OPRL1: variants seen among roughly 807,000 people sequenced by gnomAD.
OPRL1 encodes the protein opioid related nociceptin receptor 1, also known as nociceptin receptor.
In OPRL1, 5 loss-of-function variants were observed where a neutral mutation model predicts 15.5. The observed-to-expected ratio is 0.32, with a 90% confidence interval of 0.17 to 0.68. The LOEUF (loss-of-function observed/expected upper bound fraction) is 0.68. Among genes scored for constraint, OPRL1 ranks in the 30% least tolerant of loss-of-function variants. The pLI, the probability that OPRL1 is intolerant of heterozygous loss-of-function variation, is 0.72. For missense variants in OPRL1, 406 were observed against 515.3 expected (o/e 0.79, Z 2.05); for synonymous variants, 223 against 230.2 (o/e 0.97, Z 0.28).
Position 64,083,459 on chromosome 20 carries a change from C to T in OPRL1, c.-185+3107C>T, listed in dbSNP as rs1487115246. ...GTCACCGCGGGAAGATGGTGCCATC[C>T]ACGTTCTCCTCCAGGATGGTCTCCA... On this transcript the variant is annotated intron_variant, in intron 1 of 4. Coordinates refer to ENST00000336866, the MANE Select transcript of OPRL1 (RefSeq NM_182647.4). This position sits in a 1 kb window ranked among gnomAD's most constrained non-coding sequence, Gnocchi z 4.9. The T allele has an allele frequency of 6.2e-6, 10 of 1,609,176 alleles. No individual in the cohort carries two copies. Among genetic ancestry groups the T allele is most frequent in the Non-Finnish European group, 8.5e-6 (10 of 1,178,494 alleles).
intron 1 of OPRL1, chr20:64,084,350 A>C: frequency 7.8e-7 from 1 of 1,285,744 alleles, no homozygotes; most frequent in Non-Finnish European, 9.8e-7. Context: ...GTCGGTTTTG[A>C]GTTCCGCACC....
At position 64,098,704 on chromosome 20, in the gene OPRL1, C is replaced by T. The variant is rs949887692; in HGVS notation, c.1018C>T (p.Arg340Cys). The T allele has an allele frequency of 3.1e-5, 50 of 1,612,514 alleles. No individual in the cohort carries two copies. The highest frequency in any genetic ancestry group is 4.0e-5 in the Non-Finnish European group (47 of 1,179,976). ...CAAGTTCTGCTGTGCATCTGCCCTG[C>T]GCCGGGACGTGCAGGTGTCTGACCG... Reference protein sequence around the residue: ...FRKFCCASALRRDVQVSDRVR... With the variant: ...FRKFCCASALCRDVQVSDRVR... The change falls in exon 5 of 5, where the codon CGC (arginine) becomes TGC (cysteine). Residue 340 changes from arginine to cysteine, a missense_variant. Transcript: ENST00000336866.
At chr20:64,088,708 G>T (rs1319329168) in intron 1 of OPRL1, among the ~76,000 whole-genome samples, 2 of 124,546 alleles carry the variant, frequency 1.6e-5, no homozygotes, top group Non-Finnish European at 1.7e-5. Flanking sequence ...GCCAGGGTCT[G>T]TGCAGAGTGG....
At chr20:64,088,201 T>C (rs2060070070) in intron 1 of OPRL1, among the ~76,000 whole-genome samples, 1 of 152,184 alleles carries the variant, frequency 6.6e-6, no homozygotes, top group Non-Finnish European at 1.5e-5. Flanking sequence ...TGGGGTAGGC[T>C]TCTTGGAGGA....
chr20:64,095,346 G>A (rs539476037), intron 3 of OPRL1, among the ~76,000 whole-genome samples: 6 of 120,448 alleles, frequency 5.0e-5, no homozygotes, highest in Non-Finnish European at 7.0e-5. Flanking sequence ...GTGGATAGTC[G>A]GGGGGGAGCC....
At chr20:64,081,446 C>T (rs190433615) in intron 1 of OPRL1, among the ~76,000 whole-genome samples, 54 of 152,328 alleles carry the variant, frequency 3.5e-4, no homozygotes, top group African/African-American at 1.3e-3. Context: ...CAGCTGTGGG[C>T]AGCTGGCAGG....
rs372366605 is a variant in OPRL1 at position 64,097,864 on chromosome 20, T to A, written c.296T>A (p.Leu99Gln). 6.2e-7 allele frequency: 1 copy of A among 1,613,668 alleles called. No homozygotes were observed. The highest frequency in any genetic ancestry group is 8.5e-7 in the Non-Finnish European group (1 of 1,180,014). ...YIFNLALADTLVLLTLPFQGT... is the reference protein window; with the variant it reads ...YIFNLALADTQVLLTLPFQGT... Reference sequence around the variant, plus strand: ...TTTAACCTGGCCCTGGCCGACACTCTGGTCCTGCTGACGCTGCCCTTCCAG... The same window carrying A: ...TTTAACCTGGCCCTGGCCGACACTCAGGTCCTGCTGACGCTGCCCTTCCAG... The change falls in exon 4 of 5, where the codon CTG (leucine) becomes CAG (glutamine). Residue 99 changes from leucine to glutamine, a missense_variant. Leu to Gln is a moderately radical substitution (Grantham distance 113, BLOSUM62 -2). Coordinates refer to ENST00000336866, the MANE Select transcript of OPRL1 (RefSeq NM_182647.4). The surrounding 1 kb of genome is among the most constrained non-coding windows in gnomAD (Gnocchi z 4.2).
Position 64,083,472 on chromosome 20 carries a change from A to G in OPRL1, c.-185+3120A>G, listed in dbSNP as rs1472313988. On this transcript the variant is annotated intron_variant, in intron 1 of 4. Transcript: ENST00000336866. The surrounding 1 kb of genome is among the most constrained non-coding windows in gnomAD (Gnocchi z 4.9). ...GATGGTGCCATCCACGTTCTCCTCC[A>G]GGATGGTCTCCACGCGCCTCCGCTG... 2 of 1,605,418 alleles carry G rather than the reference A, an allele frequency of 1.2e-6. No individual in the cohort carries two copies. The highest frequency in any genetic ancestry group is 2.3e-5 in the East Asian group (1 of 44,140).
chr20:64,096,562 C>T (rs7271530), intron 3 of OPRL1, among the ~76,000 whole-genome samples: 75,242 of 151,872 alleles, frequency 0.5, 18,851 homozygotes, highest in East Asian at 0.59. Flanking sequence ...TTCGTAATTG[C>T]GGCCTCTTTG....
rs1416124093 is a variant in OPRL1, at chr20:64,097,187, T to C, written c.234-615T>C. Reference sequence around the variant, plus strand: ...CATTAACTTATTTAACAAAAATTTATTAATCACCAACGATTTTCCCAGCCC... The same window carrying C: ...CATTAACTTATTTAACAAAAATTTACTAATCACCAACGATTTTCCCAGCCC... On this transcript the variant is annotated intron_variant, in intron 3 of 4. Transcript: ENST00000336866. This position sits in a 1 kb window ranked among gnomAD's most constrained non-coding sequence, Gnocchi z 4.2. Among the ~76,000 whole-genome samples, 1 of 152,112 alleles carries C rather than the reference T, an allele frequency of 6.6e-6. No individual in the cohort carries two copies. The highest frequency in any genetic ancestry group is 2.4e-5 in the African/African-American group (1 of 41,412).
At chr20:64,092,624 T>C (rs2060131344) in intron 2 of OPRL1, 64 bp from the exon 3 acceptor site, 1 of 1,314,816 alleles carries the variant, frequency 7.6e-7, no homozygotes, top group Non-Finnish European at 1.1e-6. Flanking sequence ...ACGTGCTGGG[T>C]TGTGAGGCCT....
At position 64,083,565 on chromosome 20, in the gene OPRL1, A is replaced by G. The variant is rs369928040; in HGVS notation, c.-185+3213A>G. 180 of 1,525,640 alleles carry G rather than the reference A, an allele frequency of 1.2e-4. No individual in the cohort carries two copies. Among genetic ancestry groups the G allele is most frequent in the Admixed American group, 1.9e-4 (9 of 47,348 alleles). The allele number at this position is 1,525,640 out of a possible 1,614,324, so 94.5% of individuals were successfully genotyped here. Reference sequence around the variant, plus strand: ...GGGCCCCTCCCCTTTCCCCGCCCCTACCGGGGCTTGTCTGCACCTCTTGGC... The same window carrying G: ...GGGCCCCTCCCCTTTCCCCGCCCCTGCCGGGGCTTGTCTGCACCTCTTGGC... On this transcript the variant is annotated intron_variant, in intron 1 of 4. Coordinates refer to ENST00000336866, the MANE Select transcript of OPRL1 (RefSeq NM_182647.4). The surrounding 1 kb of genome is among the most constrained non-coding windows in gnomAD (Gnocchi z 4.9).
Position 64,098,535 on chromosome 20 carries a change from G to T in OPRL1, c.849G>T (p.Val283=). The T allele has an allele frequency of 1.9e-6, 3 of 1,612,836 alleles. No individual in the cohort carries two copies. The highest frequency in any genetic ancestry group is 2.5e-6 in the Non-Finnish European group (3 of 1,180,012). ...VGCWTPVQVF[V]LAQGLGVQPS... The stretch of plus-strand genomic sequence containing the variant: ...GCTGGACGCCTGTCCAGGTCTTCGT[G>T]CTGGCCCAAGGGCTGGGGGTTCAGC... The change falls in exon 5 of 5, where the codon GTG becomes GTT. Residue 283 remains valine, a synonymous_variant. Transcript: ENST00000336866.
chr20:64,083,771 C>T lies in OPRL1; in HGVS notation c.-185+3419C>T, dbSNP rs2060001473. 1.5e-6 allele frequency: 2 copies of T among 1,333,684 alleles called. No homozygotes were observed. The highest frequency in any genetic ancestry group is 1.9e-6 in the Non-Finnish European group (2 of 1,047,918). The allele number at this position is 1,333,684 out of a possible 1,614,324, so 82.6% of individuals were successfully genotyped here. A position where few individuals can be genotyped will look rare whatever the true frequency, so the allele number is the denominator to read the frequency against. On this transcript the variant is annotated intron_variant, in intron 1 of 4. Transcript: ENST00000336866. This position sits in a 1 kb window ranked among gnomAD's most constrained non-coding sequence, Gnocchi z 4.9. ...CCGCCCCGCCCCGGCCGGCTCCGCT[C>T]AACGCTCCCGGTGCGCCCCCTCTGC... is the stretch of plus-strand genomic sequence containing the variant.
At chr20:64,084,873 T>G (rs1220809111) in intron 1 of OPRL1, 1 of 152,260 alleles carries the variant, frequency 6.6e-6, no homozygotes, top group East Asian at 1.9e-4. Context: ...CCTTAGCTCC[T>G]GCAGCCGAGG....
intron 2 of OPRL1, among the ~76,000 whole-genome samples, 190 bp from the exon 3 acceptor site, chr20:64,092,498 C>T (rs1030916965): frequency 2.0e-5 from 3 of 152,116 alleles, no homozygotes; most frequent in Non-Finnish European, 2.9e-5. Flanking sequence ...CACGTGTCCT[C>T]GTGTCTCCAT....
rs372320840 is a variant in OPRL1, at chr20:64,092,675, C to A, written c.-33-13C>A. On this transcript the variant is annotated splice_polypyrimidine_tract_variant and intron_variant, in intron 2 of 4. Coordinates refer to ENST00000336866, the MANE Select transcript of OPRL1 (RefSeq NM_182647.4). ...CTGGCACTGCAGCCACTTGTCTCTG[C>A]GCTCTGTCCCAGGTACCGTACAGAG... is the stretch of plus-strand genomic sequence containing the variant. 264 of 1,568,306 alleles carry A rather than the reference C, an allele frequency of 1.7e-4. No homozygotes were observed. Among genetic ancestry groups the A allele is most frequent in the Non-Finnish European group, 2.1e-4 (243 of 1,147,882 alleles).
chr20:64,084,378 G>C, intron 1 of OPRL1: 1 of 1,277,554 alleles, frequency 7.8e-7, no homozygotes, highest in Non-Finnish European at 9.9e-7. Flanking sequence ...TCTGAGCTTT[G>C]CCCAGGCGCT....
At chr20:64,087,968 G>A (rs1204043644) in intron 1 of OPRL1, among the ~76,000 whole-genome samples, 1 of 152,186 alleles carries the variant, frequency 6.6e-6, no homozygotes, top group Non-Finnish European at 1.5e-5. Flanking sequence ...CAACCCCAGG[G>A]AGCACTGTCA....
Sources: gnomAD v4.1 joint callset for allele counts (sites outside exome capture counted in the v4.1 genomes callset) on GRCh38, gnomAD v4.1.1 for gene constraint, Gnocchi (gnomAD v3.1) non-coding constraint, MANE v1.5 for transcripts, NCBI Gene and HGNC (gene_info 2026-07-23, HGNC 2026-07-21) for gene names.